The following SEPTIN3 variants were observed in gnomAD, a reference collection of about 807,000 sequenced individuals.
SEPTIN3 encodes septin 3.
Under a neutral mutation model 45.1 loss-of-function variants are expected in SEPTIN3, and 15 were observed. The observed-to-expected ratio is 0.33, with a 90% CI of 0.22 to 0.51. The LOEUF is 0.51. Among genes scored for constraint, SEPTIN3 ranks in the 20% least tolerant of loss-of-function variants. SEPTIN3 has a pLI of 0.97. For synonymous variants in SEPTIN3, 148 were observed against 164.8 expected, an observed-to-expected ratio of 0.90 and a Z score of 0.78; for missense variants, 289 against 457.2, an observed-to-expected ratio of 0.63 and a Z score of 3.35.
Position 41,994,748 on chromosome 22 carries a change from A to G in SEPTIN3, c.2505+34A>G. 7 of 1,614,076 alleles carry G rather than the reference A, an allele frequency of 4.3e-6. No individual in the cohort carries two copies. The highest frequency in any genetic ancestry group is 5.9e-6 in the Non-Finnish European group (7 of 1,180,018). ...GGACACAGAGGAAAGCCACGACAGT[A>G]ACCCATGACGACCACTTCTCTGTGT... is the stretch of plus-strand genomic sequence containing the variant. On this transcript the variant is annotated intron_variant, in intron 11 of 11. Coordinates refer to ENST00000644076, the MANE Select transcript of SEPTIN3 (RefSeq NM_001363845.2). This position sits in a 1 kb window ranked among gnomAD's most constrained non-coding sequence, Gnocchi z 4.2.
rs751142409 is a variant in SEPTIN3, at chr22:41,981,746, C to G, written c.1606C>G (p.Leu536Val). The G allele has an allele frequency of 6.2e-7, 1 of 1,613,972 alleles. No individual in the cohort carries two copies. The change falls in exon 3 of 12, where the codon CTG becomes GTG. Residue 536 changes from leucine (L) to valine (V), a missense_variant. Around this residue, in one of 3 missense-constraint regions of SEPTIN3, gnomAD observed 200 missense variants for 315.1 expected, o/e 0.63. Transcript: ENST00000644076. Reference sequence around the variant, plus strand: ...GAAGCCCATGAGCATCAACTCCAACCTGCTGGGCTACATCGGCATCGACAC... The same window carrying G: ...GAAGCCCATGAGCATCAACTCCAACGTGCTGGGCTACATCGGCATCGACAC... ...PMKPMSINSNLLGYIGIDTII... is the reference protein window; with the variant it reads ...PMKPMSINSNVLGYIGIDTII...
In SEPTIN3 at chr22:41,994,955, G is replaced by A. The variant is rs982503467; in HGVS notation, c.2505+241G>A. On this transcript the variant is annotated intron_variant, in intron 11 of 11. Transcript: ENST00000644076. This position sits in a 1 kb window ranked among gnomAD's most constrained non-coding sequence, Gnocchi z 4.2. ...AGAGAGCGAGAGAGCCTGTGTGTGTGCATGCAGGGGTGAGGTATTTTCACT... is the reference window on the plus strand; with the variant it reads ...AGAGAGCGAGAGAGCCTGTGTGTGTACATGCAGGGGTGAGGTATTTTCACT... 3.6e-5 allele frequency: 51 copies of A among 1,410,324 alleles called. No individual in the cohort carries two copies. The highest frequency in any genetic ancestry group is 4.3e-5 in the Non-Finnish European group (46 of 1,081,732). The allele number at this position is 1,410,324 out of a possible 1,614,324, so 87.4% of individuals were successfully genotyped here.
At chr22:41,996,300 G>A (rs949860779) in intron 11 of SEPTIN3, 35 of 985,156 alleles carry the variant, frequency 3.6e-5, no homozygotes, top group Non-Finnish European at 4.0e-5. Flanking sequence ...CATGAAATTC[G>A]GGGCCAGGGA....
chr22:41,982,185 C>G lies in SEPTIN3; in HGVS notation c.1696+349C>G, dbSNP rs77350086. 7.5e-3 allele frequency: 1,944 copies of G among 258,930 alleles called. 14 individuals are homozygous for G. Among genetic ancestry groups the G allele is most frequent in the Non-Finnish European group, 9.1e-3 (1,211 of 132,736 alleles). The allele number at this position is 258,930 out of a possible 1,614,324, so 16.0% of individuals were successfully genotyped here. ...GTGGAAGGATTGGATGAAGGGTGGTCTTATTTCTACTCTTTTGTAGTGCTT... is the reference window on the plus strand; with the variant it reads ...GTGGAAGGATTGGATGAAGGGTGGTGTTATTTCTACTCTTTTGTAGTGCTT... On this transcript the variant is annotated intron_variant, in intron 3 of 11. Coordinates refer to ENST00000644076, the MANE Select transcript of SEPTIN3 (RefSeq NM_001363845.2).
intron 2 of SEPTIN3, among the ~76,000 whole-genome samples, chr22:41,981,074 A>G (rs2078112753): frequency 6.6e-6 from 1 of 152,190 alleles, no homozygotes. Context: ...ATGTTAGTGC[A>G]GGATCCTAAA....
At chr22:41,991,545 C>T (rs536701628) in intron 7 of SEPTIN3, 28 bp from the exon 8 acceptor site, 1 of 1,531,090 alleles carries the variant, frequency 6.5e-7, no homozygotes, top group Non-Finnish European at 9.1e-7. Flanking sequence ...TGACACTTGA[C>T]TACCTTGTTT....
chr22:41,974,371 C>A (rs908514397), intron 2 of SEPTIN3, among the ~76,000 whole-genome samples: 1 of 151,932 alleles, frequency 6.6e-6, no homozygotes, highest in Non-Finnish European at 1.5e-5. Flanking sequence ...TTGTTCAAGA[C>A]TAGCCTGGCC....
At chr22:41,974,161 AG>A (rs942713171) in intron 2 of SEPTIN3, among the ~76,000 whole-genome samples, 3 of 151,522 alleles carry the variant, frequency 2.0e-5, no homozygotes, top group African/African-American at 7.3e-5. Flanking sequence ...AAAAAAGAAA[AG>A]AAAAAGAAAG....
rs2078395188 is a variant in SEPTIN3 at position 41,994,738 on chromosome 22, C to T, written c.2505+24C>T. The T allele has an allele frequency of 6.2e-7, 1 of 1,613,996 alleles. No homozygotes were observed. The highest frequency in any genetic ancestry group is 1.3e-5 in the African/African-American group (1 of 74,924). ...CGGTGAGCGTGGACACAGAGGAAAG[C>T]CACGACAGTAACCCATGACGACCAC... On this transcript the variant is annotated intron_variant, in intron 11 of 11. Coordinates refer to ENST00000644076, the MANE Select transcript of SEPTIN3 (RefSeq NM_001363845.2). This position sits in a 1 kb window ranked among gnomAD's most constrained non-coding sequence, Gnocchi z 4.2.
intron 3 of SEPTIN3, chr22:41,985,762 G>T (rs776364517): frequency 4.8e-6 from 2 of 416,206 alleles, no homozygotes; most frequent in South Asian, 5.7e-5. Flanking sequence ...GGGAAGGAGA[G>T]AATATGGAAT....
chr22:41,981,179 T>C (rs575948662), intron 2 of SEPTIN3: 1 of 155,760 alleles, frequency 6.4e-6, no homozygotes, highest in Non-Finnish European at 1.4e-5. Context: ...AGGGCAATGG[T>C]GCTTCCCAGG....
chr22:41,989,880 A>G (rs1266679814), intron 7 of SEPTIN3, among the ~76,000 whole-genome samples, 196 bp downstream of exon 7: 2 of 151,936 alleles, frequency 1.3e-5, no homozygotes, highest in South Asian at 2.1e-4. Flanking sequence ...TGAAGAAAAG[A>G]TGGCACAGCT....
intron 2 of SEPTIN3, among the ~76,000 whole-genome samples, chr22:41,975,684 C>G (rs185527564): frequency 6.6e-6 from 1 of 152,246 alleles, no homozygotes; most frequent in Non-Finnish European, 1.5e-5. Context: ...CGGGTATCCT[C>G]TTCTTCCTCA....
intron 3 of SEPTIN3, among the ~76,000 whole-genome samples, chr22:41,982,652 G>A (rs1341017798): frequency 2.0e-5 from 3 of 152,196 alleles, no homozygotes; most frequent in African/African-American, 7.2e-5. Context: ...ACTTTGGGAG[G>A]CCGAGGTGGG....
intron 2 of SEPTIN3, among the ~76,000 whole-genome samples, chr22:41,980,322 GAGA>G (rs999897663): frequency 6.6e-6 from 1 of 152,034 alleles, no homozygotes; most frequent in Non-Finnish European, 1.5e-5. Flanking sequence ...ATTTTTAATA[GAGA>G]CAGGGTTTCA....
chr22:41,985,874 C>G, intron 3 of SEPTIN3, 110 bp from the exon 4 acceptor site: 1 of 1,348,804 alleles, frequency 7.4e-7, no homozygotes, highest in East Asian at 2.7e-5. Flanking sequence ...AGTGGTCAGA[C>G]AAGGTGTGGC....
At position 41,996,287 on chromosome 22, in the gene SEPTIN3, A is replaced by T. The variant is rs1004814233; in HGVS notation, c.2506-615A>T. On this transcript the variant is annotated intron_variant, in intron 11 of 11. Transcript: ENST00000644076. ...TTACTCTTTTCCTTTAATCTGTAAG[A>T]TTCATGAAATTCGGGGCCAGGGAAA... 46 of 985,262 alleles carry T rather than the reference A, an allele frequency of 4.7e-5. No individual in the cohort carries two copies. The African/African-American group carries it at 7.2e-4, about 15-fold the overall frequency. 61.0% of individuals were successfully genotyped at this position (985,262 alleles called of 1,614,324 possible). A position where few individuals can be genotyped will look rare whatever the true frequency, so the allele number is the denominator to read the frequency against.
chr22:41,977,284 C>A (rs952185317), intron 2 of SEPTIN3, among the ~76,000 whole-genome samples: 1 of 152,014 alleles, frequency 6.6e-6, no homozygotes, highest in Non-Finnish European at 1.5e-5. Flanking sequence ...GACGCAGGGA[C>A]CCACGGACAC....
chr22:41,983,508 G>T (rs2078154915), intron 3 of SEPTIN3, among the ~76,000 whole-genome samples: 1 of 152,156 alleles, frequency 6.6e-6, no homozygotes, highest in South Asian at 2.1e-4. Flanking sequence ...TTTAACCTCA[G>T]GGTAAGTTTA....
Sources: allele counts gnomAD v4.1 joint callset (sites outside exome capture counted in the v4.1 genomes callset), GRCh38; gene constraint gnomAD v4.1.1; regional missense constraint gnomAD v4.1.1; non-coding constraint Gnocchi (gnomAD v3.1); transcripts MANE v1.5; gene names NCBI Gene and HGNC (gene_info 2026-07-23, HGNC 2026-07-21).